GPALPP1: variants seen among roughly 807,000 people sequenced by gnomAD.
The protein encoded by GPALPP1 is GPALPP motifs-containing protein 1.
In GPALPP1, 30 loss-of-function variants were observed where a neutral mutation model predicts 38.9. The ratio of observed to expected loss-of-function variants is 0.77; its 90% CI spans 0.58 to 1.05. The LOEUF (loss-of-function observed/expected upper bound fraction) is 1.05, where lower values mean the gene tolerates loss of function less well. Ranked by LOEUF, GPALPP1 falls within the 50% of genes least tolerant of loss-of-function variation. GPALPP1 has a pLI of 0.00. For missense variants in GPALPP1, 384 were observed against 408.8 expected (o/e 0.94, Z 0.52); for synonymous variants, 120 against 139.2 (o/e 0.86, Z 0.97).
intron 2 of GPALPP1, among the ~76,000 whole-genome samples, chr13:45,005,729 G>A (rs966118645): frequency 1.3e-5 from 2 of 152,094 alleles, no homozygotes; most frequent in African/African-American, 4.8e-5. Context: ...GACTAGTTAC[G>A]AACTATTGTC....
At chr13:45,019,097 AT>A (rs1290880830) in intron 6 of GPALPP1, among the ~76,000 whole-genome samples, 2 of 135,892 alleles carry the variant, frequency 1.5e-5, no homozygotes, top group South Asian at 2.1e-4. Context: ...ATGTATATAT[AT>A]TTATATATAT....
intron 6 of GPALPP1, among the ~76,000 whole-genome samples, chr13:45,016,630 TG>T (rs1306688795): frequency 6.6e-6 from 1 of 152,098 alleles, no homozygotes; most frequent in African/African-American, 2.4e-5. Context: ...TTTTTCTTTT[TG>T]GTTTTTTTGT....
In GPALPP1 at chr13:45,020,292, TATG is replaced by T. The variant is rs953914859; in HGVS notation, c.706-35_706-33del. Reference sequence around the variant, plus strand: ...TTTATTTTTTGTTTTATCTTAATCTTATGATTCAGTAATGTGTTATCTGTGTTC... The same window carrying T: ...TTTATTTTTTGTTTTATCTTAATCTTATTCAGTAATGTGTTATCTGTGTTC... On this transcript the variant is annotated intron_variant, in intron 6 of 7. Transcript: ENST00000379151. 4 of 779,738 alleles carry T rather than the reference TATG, an allele frequency of 5.1e-6. No homozygotes were observed. In the African/African-American group the frequency reaches 5.3e-5, roughly 10 times the overall value. The allele number at this position is 779,738 out of a possible 1,614,324, so 48.3% of individuals were successfully genotyped here. A position where few individuals can be genotyped will look rare whatever the true frequency, so the allele number is the denominator to read the frequency against.
intron 4 of GPALPP1, among the ~76,000 whole-genome samples, chr13:45,010,988 GAAAAAAGAAA>G (rs890936227): frequency 6.8e-6 from 1 of 148,134 alleles, no homozygotes; most frequent in Non-Finnish European, 1.5e-5. Flanking sequence ...GTCTCAAAAA[GAAAAAAGAAA>G]AAAAAAGAAA....
In GPALPP1 at chr13:44,989,738, C is replaced by T. The variant is rs775260432; in HGVS notation, c.84C>T (p.Ser28=). 3 of 1,606,722 alleles carry T rather than the reference C, an allele frequency of 1.9e-6. No individual in the cohort carries two copies. The highest frequency in any genetic ancestry group is 1.7e-4 in the Middle Eastern group (1 of 6,052). The change falls in exon 1 of 8, where the codon AGC becomes AGT. Residue 28 remains serine, a synonymous_variant. Transcript: ENST00000379151. The part of the protein sequence containing the change: ...GTAEDEERDP[S]PVAGPALPPN... Reference sequence around the variant, plus strand: ...CGGAGGACGAAGAGCGGGACCCGAGCCCTGGTAAGCGGCGGCGTCTCCGCT... The same window carrying T: ...CGGAGGACGAAGAGCGGGACCCGAGTCCTGGTAAGCGGCGGCGTCTCCGCT...
At chr13:45,018,281 CAGCT>C (rs1376158441) in intron 6 of GPALPP1, among the ~76,000 whole-genome samples, 4 of 151,940 alleles carry the variant, frequency 2.6e-5, no homozygotes, top group African/African-American at 9.7e-5. Context: ...CCTGTAGTCG[CAGCT>C]ACTCGGGAGG....
chr13:44,994,547 T>G (rs1873106759), intron 1 of GPALPP1, among the ~76,000 whole-genome samples: 1 of 152,180 alleles, frequency 6.6e-6, no homozygotes, highest in Non-Finnish European at 1.5e-5. Context: ...CCATCCTACC[T>G]TGAAGTCTTC....
chr13:45,012,076 G>A (rs886862820), intron 4 of GPALPP1, among the ~76,000 whole-genome samples: 1 of 152,218 alleles, frequency 6.6e-6, no homozygotes, highest in Non-Finnish European at 1.5e-5. Flanking sequence ...GGGGACTACA[G>A]TCGTTTTAGA....
exon 8 of GPALPP1, chr13:45,035,617 C>T (rs1292369995): frequency 6.6e-6 from 1 of 152,138 alleles, no homozygotes; most frequent in Non-Finnish European, 1.5e-5. Context: ...ATGAATTCAA[C>T]AATTATTAGT....
chr13:45,018,831 G>T (rs923771978), intron 6 of GPALPP1, among the ~76,000 whole-genome samples: 17 of 150,020 alleles, frequency 1.1e-4, no homozygotes, highest in South Asian at 8.4e-4. Context: ...CTTCATGTGT[G>T]TGTGCTAATA....
chr13:45,012,358 C>CT (rs920854063), intron 4 of GPALPP1, among the ~76,000 whole-genome samples: 1 of 152,046 alleles, frequency 6.6e-6, no homozygotes, highest in Admixed American at 6.6e-5. Flanking sequence ...GTGTGTCTGT[C>CT]TATCTCGTGG....
chr13:45,023,187 C>T (rs1208104796), intron 7 of GPALPP1, among the ~76,000 whole-genome samples: 2 of 152,102 alleles, frequency 1.3e-5, no homozygotes, highest in African/African-American at 4.8e-5. Context: ...AGCTGGCTTT[C>T]AGCTTTTGAT....
chr13:45,034,375 AAAG>A (rs1876330839), downstream of GPALPP1: 1 of 151,412 alleles, frequency 6.6e-6, no homozygotes, highest in South Asian at 2.1e-4. Context: ...TAGGTGTTAG[AAAG>A]AAAACACGGT....
exon 8 of GPALPP1, chr13:45,036,288 T>C (rs1271950459): frequency 6.6e-6 from 1 of 152,250 alleles, no homozygotes; most frequent in Non-Finnish European, 1.5e-5. Flanking sequence ...CATTGCACTT[T>C]GCCCTCTCTT....
intron 7 of GPALPP1, among the ~76,000 whole-genome samples, chr13:45,021,267 A>G (rs985643347): frequency 1.4e-4 from 21 of 152,248 alleles, no homozygotes; most frequent in African/African-American, 4.3e-4. Flanking sequence ...AGAAAATTCC[A>G]TAAGCTCTAA....
chr13:45,006,608 A>T (rs1874120921), intron 3 of GPALPP1, among the ~76,000 whole-genome samples: 1 of 152,194 alleles, frequency 6.6e-6, no homozygotes, highest in Admixed American at 6.5e-5. Flanking sequence ...GGTCACACAC[A>T]TAGTAGCAGA....
At position 45,006,312 on chromosome 13, in the gene GPALPP1, G is replaced by A. The variant is rs369004156; in HGVS notation, c.323+9G>A. On this transcript the variant is annotated intron_variant, in intron 3 of 7. Coordinates refer to ENST00000379151, the MANE Select transcript of GPALPP1 (RefSeq NM_018559.5). Reference sequence around the variant, plus strand: ...GATGATTCTCCTCCAAGGTGATAATGTGTAATATTTTAGGCCAGTCTTTCT... The same window carrying A: ...GATGATTCTCCTCCAAGGTGATAATATGTAATATTTTAGGCCAGTCTTTCT... 9.9e-5 allele frequency: 141 copies of A among 1,418,890 alleles called. No homozygotes were observed. Among genetic ancestry groups the A allele is most frequent in the Middle Eastern group, 7.1e-4 (4 of 5,628 alleles). The allele number at this position is 1,418,890 out of a possible 1,614,324, so 87.9% of individuals were successfully genotyped here. A position where few individuals can be genotyped will look rare whatever the true frequency, so the allele number is the denominator to read the frequency against.
rs745311622 is a variant in GPALPP1, at chr13:45,004,354, A to G, written c.138A>G (p.Ser46=). The part of the protein sequence containing the change: ...PPNYKSSSSD[S]SDSDEDSSSL... Reference sequence around the variant, plus strand: ...ATTATAAAAGCAGTAGTTCAGATTCATCAGACAGCGATGAAGACAGTAGTT... The same window carrying G: ...ATTATAAAAGCAGTAGTTCAGATTCGTCAGACAGCGATGAAGACAGTAGTT... The change falls in exon 2 of 8, where the codon TCA becomes TCG. Residue 46 remains serine, a synonymous_variant. Transcript: ENST00000379151. 3.7e-6 allele frequency: 6 copies of G among 1,609,252 alleles called. No homozygotes were observed. The African/African-American group carries it at 4.0e-5, about 11-fold the overall frequency.
chr13:45,006,069 T>A, intron 2 of GPALPP1, 133 bp from the exon 3 acceptor site: 1 of 569,856 alleles, frequency 1.8e-6, no homozygotes, highest in South Asian at 2.7e-5. Context: ...ATCCAGTTTT[T>A]ATTTGGCAGG....
Sources: gnomAD v4.1 joint callset for allele counts (sites outside exome capture counted in the v4.1 genomes callset) on GRCh38, gnomAD v4.1.1 for gene constraint, MANE v1.5 for transcripts, NCBI Gene and HGNC (gene_info 2026-07-23, HGNC 2026-07-21) for gene names.